The following PRELID3B variants were observed in gnomAD, a reference collection of about 807,000 sequenced individuals.
PRELID3B encodes the protein PRELI domain containing protein 3B.
A neutral mutation model predicts 24.0 loss-of-function variants in PRELID3B; 15 were observed. The ratio of observed to expected loss-of-function variants is 0.63; its 90% CI spans 0.42 to 0.96. The LOEUF (loss-of-function observed/expected upper bound fraction) is 0.96, where lower values mean the gene tolerates loss of function less well. PRELID3B is among the 40% of genes least tolerant of loss of function. PRELID3B has a pLI of 0.00. For missense variants in PRELID3B, 189 were observed against 236.0 expected (o/e 0.80, Z 1.30); for synonymous variants, 62 against 76.0 (o/e 0.82, Z 0.96).
intron 3 of PRELID3B, among the ~76,000 whole-genome samples, 192 bp downstream of exon 3, chr20:59,036,999 C>T (rs568306078): frequency 1.3e-5 from 2 of 152,228 alleles, no homozygotes; most frequent in South Asian, 2.1e-4. Context: ...AGTGCTATCC[C>T]CTTAGAGATA....
chr20:59,033,155 G>A lies in PRELID3B; in HGVS notation c.*1852C>T, dbSNP rs1284564451. 1 of 152,112 alleles carries A rather than the reference G, an allele frequency of 6.6e-6. No homozygotes were observed. Among genetic ancestry groups the A allele is most frequent in the Non-Finnish European group, 1.5e-5 (1 of 68,004 alleles). The allele number at this position is 152,112 out of a possible 1,614,324, so 9.4% of individuals were successfully genotyped here. On this transcript the variant is annotated 3_prime_UTR_variant, in exon 6 of 6. Transcript: ENST00000355937. ...TAATCAGGAAAAACATCACTTAAAA[G>A]AAAGTTTTTATTAACAAAAGTTTTC...
intron 2 of PRELID3B, among the ~76,000 whole-genome samples, chr20:59,037,924 T>C (rs1326803040): frequency 6.6e-6 from 1 of 152,212 alleles, no homozygotes; most frequent in Non-Finnish European, 1.5e-5. Flanking sequence ...GATCCACTTA[T>C]TATACCAGTT....
chr20:59,037,403 A>T lies in PRELID3B; in HGVS notation c.202-123T>A, dbSNP rs1429816761. 5.0e-5 allele frequency: 39 copies of T among 787,346 alleles called. No individual in the cohort carries two copies. The East Asian group carries it at 1.0e-3, about 21-fold the overall frequency. 48.8% of individuals were successfully genotyped at this position (787,346 alleles called of 1,614,324 possible). A position where few individuals can be genotyped will look rare whatever the true frequency, so the allele number is the denominator to read the frequency against. On this transcript the variant is annotated intron_variant, in intron 2 of 5. Transcript: ENST00000355937. ...TGAACCAAAAATCTGTTTTCTAAAA[A>T]CCAGAGGAAACAAGCAAAGGTCAGA... is the stretch of plus-strand genomic sequence containing the variant.
Position 59,034,192 on chromosome 20 carries a change from G to A in PRELID3B, c.*815C>T, listed in dbSNP as rs1438576704. ...TTACAAAACCATGATTTTGACACAT[G>A]GCAATTTTTAAGTTAGGCAAATGTA... On this transcript the variant is annotated 3_prime_UTR_variant, in exon 6 of 6. Coordinates refer to ENST00000355937, the MANE Select transcript of PRELID3B (RefSeq NM_016045.3). The A allele has an allele frequency of 1.3e-5, 2 of 152,142 alleles. No homozygotes were observed. The highest frequency in any genetic ancestry group is 4.8e-5 in the African/African-American group (2 of 41,436). 9.4% of individuals were successfully genotyped at this position (152,142 alleles called of 1,614,324 possible).
At chr20:59,039,740 C>T (rs1039635377) in intron 1 of PRELID3B, among the ~76,000 whole-genome samples, 1 of 152,236 alleles carries the variant, frequency 6.6e-6, no homozygotes, top group African/African-American at 2.4e-5. Context: ...TTGACAACTA[C>T]ATCTCGTTGA....
chr20:59,036,095 A>G lies in PRELID3B; in HGVS notation c.465+376T>C, dbSNP rs552232222. 3.4e-5 allele frequency among the ~76,000 whole-genome samples: 5 copies of G among 149,008 alleles called. No homozygotes were observed. In the East Asian group the frequency reaches 1.1e-3, roughly 31 times the overall value. On this transcript the variant is annotated intron_variant, in intron 5 of 5. Coordinates refer to ENST00000355937, the MANE Select transcript of PRELID3B (RefSeq NM_016045.3). The stretch of plus-strand genomic sequence containing the variant: ...GTTGTGGGGGAGACAACAGTGAAAA[A>G]AGGTTGAGAAACAGTGCCTTAAATG...
chr20:59,042,619 T>A, intron 1 of PRELID3B, 80 bp downstream of exon 1: 2 of 1,475,904 alleles, frequency 1.4e-6, no homozygotes, highest in Non-Finnish European at 1.8e-6. Context: ...AGAAGCCTCC[T>A]GCGGGCCGCC....
intron 1 of PRELID3B, 62 bp from the exon 2 acceptor site, chr20:59,038,696 G>A: frequency 6.7e-7 from 1 of 1,490,778 alleles, no homozygotes; most frequent in South Asian, 1.4e-5. Flanking sequence ...ATGCATATGA[G>A]TTAAACAATT....
Position 59,034,963 on chromosome 20 carries a change from T to G in PRELID3B, c.*44A>C, listed in dbSNP as rs1352453698. On this transcript the variant is annotated 3_prime_UTR_variant, in exon 6 of 6. Coordinates refer to ENST00000355937, the MANE Select transcript of PRELID3B (RefSeq NM_016045.3). ...ATAACAAATAAATATATAGTCAGTT[T>G]GGAGAGACCTGGAGTACCCGATGTT... is the stretch of plus-strand genomic sequence containing the variant. 4 of 1,536,332 alleles carry G rather than the reference T, an allele frequency of 2.6e-6. No individual in the cohort carries two copies. Among genetic ancestry groups the G allele is most frequent in the Non-Finnish European group, 3.5e-6 (4 of 1,141,490 alleles).
Position 59,042,584 on chromosome 20 carries a change from G to A in PRELID3B, c.32+115C>T. On this transcript the variant is annotated intron_variant, in intron 1 of 5. Coordinates refer to ENST00000355937, the MANE Select transcript of PRELID3B (RefSeq NM_016045.3). ...CCGGGGCCCGCAGGCTTCAGAGTTCGCTCCCCTCGCTAGGCCCGACGCCTA... is the reference window on the plus strand; with the variant it reads ...CCGGGGCCCGCAGGCTTCAGAGTTCACTCCCCTCGCTAGGCCCGACGCCTA... 2.5e-6 allele frequency: 3 copies of A among 1,210,314 alleles called. 1 individual carries two copies. In the South Asian group the frequency reaches 4.2e-5, roughly 17 times the overall value. The allele number at this position is 1,210,314 out of a possible 1,614,324, so 75.0% of individuals were successfully genotyped here.
chr20:59,036,523 C>T lies in PRELID3B; in HGVS notation c.413G>A (p.Ser138Asn), dbSNP rs2092073396. 2 of 1,614,070 alleles carry T rather than the reference C, an allele frequency of 1.2e-6. No homozygotes were observed. Among genetic ancestry groups the T allele is most frequent in the Admixed American group, 1.7e-5 (1 of 60,012 alleles). ...TGCCATCAGTCCTTCAAGGTAACTG[C>T]TGAGGCTAACTCCTTTCACGGTAAT... ...AIITVKGVSLSSYLEGLMAST... is the reference protein window; with the variant it reads ...AIITVKGVSLNSYLEGLMAST... Residue 138 changes from serine (S) to asparagine (N), a missense_variant, in exon 5 of 6, where the codon AGC (serine) becomes AAC (asparagine). Coordinates refer to ENST00000355937, the MANE Select transcript of PRELID3B (RefSeq NM_016045.3).
chr20:59,038,053 C>T, intron 2 of PRELID3B: 1 of 158,334 alleles, frequency 6.3e-6, no homozygotes, highest in Non-Finnish European at 1.4e-5. Context: ...AGTTCCAGAC[C>T]TTGGAACAAA....
intron 2 of PRELID3B, among the ~76,000 whole-genome samples, chr20:59,037,514 G>A (rs2092082242): frequency 6.6e-6 from 1 of 152,248 alleles, no homozygotes; most frequent in Non-Finnish European, 1.5e-5. Flanking sequence ...CCAGCCCACT[G>A]AGAACGTCTG....
chr20:59,036,670 T>A lies in PRELID3B; in HGVS notation c.362+20A>T, dbSNP rs371221308. ...TTAAACACCCTTTACGATACATTTG[T>A]TAAAATATTTTTTACTCACTTTTCT... On this transcript the variant is annotated intron_variant, in intron 4 of 5. Coordinates refer to ENST00000355937, the MANE Select transcript of PRELID3B (RefSeq NM_016045.3). The A allele has an allele frequency of 6.3e-7, 1 of 1,589,908 alleles. No individual in the cohort carries two copies. The highest frequency in any genetic ancestry group is 8.6e-7 in the Non-Finnish European group (1 of 1,162,770).
chr20:59,035,103 T>C lies in PRELID3B; in HGVS notation c.489A>G (p.Val163=). The change falls in exon 6 of 6, where the codon GTA becomes GTG. Residue 163 remains valine, a synonymous_variant. Transcript: ENST00000355937. ...CAATCTCAGCATTTAATTTATGTAT[T>C]ACCCATTCCATTGCTTCTCGGCCCT... ...ASKGREAMEW[V]IHKLNAEIEE... 6.2e-7 allele frequency: 1 copy of C among 1,612,986 alleles called. No individual in the cohort carries two copies. The highest frequency in any genetic ancestry group is 8.5e-7 in the Non-Finnish European group (1 of 1,179,556).
intron 5 of PRELID3B, among the ~76,000 whole-genome samples, chr20:59,035,339 A>C (rs1164480773): frequency 6.6e-6 from 1 of 152,258 alleles, no homozygotes; most frequent in Non-Finnish European, 1.5e-5. Context: ...TTTACTTTGT[A>C]TGCAAAAGAT....
Position 59,042,686 on chromosome 20 carries a change from GC to G in PRELID3B, c.32+12del. 1 of 1,586,328 alleles carries G rather than the reference GC, an allele frequency of 6.3e-7. No homozygotes were observed. Among genetic ancestry groups the G allele is most frequent in the East Asian group, 2.3e-5 (1 of 43,950 alleles). ...CCTGCCCTCCACGGAGCCGACCCGC[GC>G]CCCAAACTTACTCAAAGACGTGCTC... On this transcript the variant is annotated intron_variant, in intron 1 of 5. Coordinates refer to ENST00000355937, the MANE Select transcript of PRELID3B (RefSeq NM_016045.3).
chr20:59,035,515 C>T (rs1244681432), intron 5 of PRELID3B, among the ~76,000 whole-genome samples: 1 of 152,208 alleles, frequency 6.6e-6, no homozygotes, highest in East Asian at 1.9e-4. Context: ...CTCCTCACCC[C>T]TTCTCTCCTA....
At chr20:59,039,361 A>G (rs889761578) in intron 1 of PRELID3B, among the ~76,000 whole-genome samples, 1 of 152,248 alleles carries the variant, frequency 6.6e-6, no homozygotes, top group African/African-American at 2.4e-5. Context: ...TAATAATATC[A>G]CATCACTTGA....
Sources: gnomAD v4.1 joint callset for allele counts (sites outside exome capture counted in the v4.1 genomes callset) on GRCh38, gnomAD v4.1.1 for gene constraint, MANE v1.5 for transcripts, NCBI Gene and HGNC (gene_info 2026-07-23, HGNC 2026-07-21) for gene names.